Variants in MACROD2 observed in about 807,000 individuals in gnomAD.
The protein encoded by MACROD2 is mono-ADP ribosylhydrolase 2, also known as ADP-ribose glycohydrolase MACROD2.
In MACROD2, 36 loss-of-function variants were observed where a neutral mutation model predicts 70.4. The observed-to-expected ratio is 0.51, with a 90% CI of 0.39 to 0.68. The LOEUF is 0.68. Ranked by LOEUF, MACROD2 falls within the 30% of genes least tolerant of loss-of-function variation. The pLI is 0.00. For synonymous variants in MACROD2, 172 were observed against 178.8 expected (o/e 0.96, Z 0.30); for missense variants, 496 against 538.4 (o/e 0.92, Z 0.78).
intron 8 of MACROD2, among the ~76,000 whole-genome samples, chr20:15,799,526 G>T (rs1214037384): frequency 6.6e-6 from 1 of 152,040 alleles, no homozygotes; most frequent in Non-Finnish European, 1.5e-5. Flanking sequence ...TTCCACATAT[G>T]AGTGAAAACA....
intron 6 of MACROD2, among the ~76,000 whole-genome samples, chr20:15,262,372 C>T (rs1171645866): frequency 6.6e-6 from 1 of 151,990 alleles, no homozygotes; most frequent in Non-Finnish European, 1.5e-5. Flanking sequence ...TTGTAAATGA[C>T]AGGATCTCAT....
intron 8 of MACROD2, among the ~76,000 whole-genome samples, chr20:15,638,903 A>T (rs887517860): frequency 5.3e-5 from 8 of 152,288 alleles, no homozygotes; most frequent in African/African-American, 1.7e-4. Flanking sequence ...CAGAGTTGAA[A>T]TATTCAGGTC....
At chr20:15,939,006 C>G (rs548239945) in intron 12 of MACROD2, among the ~76,000 whole-genome samples, 1 of 152,304 alleles carries the variant, frequency 6.6e-6, no homozygotes, top group Admixed American at 6.5e-5. Context: ...TTCAATTCTA[C>G]TAATGCTGAG....
intron 6 of MACROD2, among the ~76,000 whole-genome samples, chr20:15,330,797 G>A (rs1018307291): frequency 1.3e-5 from 2 of 151,544 alleles, no homozygotes; most frequent in South Asian, 2.1e-4. Flanking sequence ...TTGTGGAATC[G>A]CTAGGTTTTA....
At chr20:15,402,556 A>T (rs2045945236) in intron 6 of MACROD2, among the ~76,000 whole-genome samples, 2 of 152,202 alleles carry the variant, frequency 1.3e-5, no homozygotes, top group South Asian at 4.1e-4. Context: ...AATATTTTTC[A>T]TGATTATTTC....
At chr20:15,230,405 G>T (rs1448070353) in intron 6 of MACROD2, among the ~76,000 whole-genome samples, 1 of 152,154 alleles carries the variant, frequency 6.6e-6, no homozygotes, top group Admixed American at 6.5e-5. Flanking sequence ...TGCTGAGTTT[G>T]TTATGATAGC....
intron 3 of MACROD2, among the ~76,000 whole-genome samples, chr20:14,276,244 T>A (rs1196403109): frequency 6.6e-6 from 1 of 151,212 alleles, no homozygotes; most frequent in Non-Finnish European, 1.5e-5. Context: ...CCAACAATGA[T>A]AGACTGGATT....
At chr20:14,913,081 G>T (rs1237569206) in intron 5 of MACROD2, among the ~76,000 whole-genome samples, 1 of 152,180 alleles carries the variant, frequency 6.6e-6, no homozygotes, top group African/African-American at 2.4e-5. Context: ...GCACATGCGT[G>T]TATGTGTGTA....
chr20:15,332,273 T>C (rs1170752362), intron 6 of MACROD2, among the ~76,000 whole-genome samples: 1 of 151,678 alleles, frequency 6.6e-6, no homozygotes, highest in East Asian at 1.9e-4. Flanking sequence ...TCCAGTTCAA[T>C]CATTTGAGAA....
intron 5 of MACROD2, among the ~76,000 whole-genome samples, chr20:15,141,383 T>C (rs2145847428): frequency 6.6e-6 from 1 of 151,268 alleles, no homozygotes; most frequent in Non-Finnish European, 1.5e-5. Flanking sequence ...CATACATACA[T>C]ATAGATATAC....
chr20:15,485,922 G>A (rs984273721), intron 7 of MACROD2, among the ~76,000 whole-genome samples: 5 of 152,076 alleles, frequency 3.3e-5, no homozygotes, highest in Admixed American at 1.3e-4. Flanking sequence ...TGCATGAATC[G>A]CAGTCGATTA....
intron 3 of MACROD2, among the ~76,000 whole-genome samples, chr20:14,235,133 G>C (rs2081857038): frequency 6.6e-6 from 1 of 152,158 alleles, no homozygotes; most frequent in East Asian, 1.9e-4. Context: ...AAGGTATCTA[G>C]TTATATAAGC....
chr20:14,887,739 T>C (rs1600770564), intron 5 of MACROD2, among the ~76,000 whole-genome samples: 3 of 152,096 alleles, frequency 2.0e-5, no homozygotes, highest in African/African-American at 7.2e-5. Context: ...CTTACCAAAA[T>C]GGTATTTTTC....
chr20:14,485,517 C>T (rs111901059), intron 3 of MACROD2, among the ~76,000 whole-genome samples: 1,959 of 151,916 alleles, frequency 0.013, 15 homozygotes, highest in Non-Finnish European at 0.019. Context: ...CTGGCTAACA[C>T]GGTGAAACCC....
At chr20:15,391,099 T>C (rs947813671) in intron 6 of MACROD2, among the ~76,000 whole-genome samples, 5 of 152,126 alleles carry the variant, frequency 3.3e-5, no homozygotes, top group African/African-American at 1.2e-4. Flanking sequence ...GATGAGTTGA[T>C]GGCAGGTAAA....
At chr20:14,549,402 A>G (rs1171559521) in intron 4 of MACROD2, among the ~76,000 whole-genome samples, 1 of 152,228 alleles carries the variant, frequency 6.6e-6, no homozygotes, top group Non-Finnish European at 1.5e-5. Flanking sequence ...AATTAAAATT[A>G]TTAATGTGTT....
At position 15,020,944 on chromosome 20, in the gene MACROD2, T is replaced by C. The variant is rs148121235; in HGVS notation, c.419-208996T>C. Among the ~76,000 whole-genome samples, 481 of 150,392 alleles carry C rather than the reference T, an allele frequency of 3.2e-3. 3 individuals are homozygous for C. Among genetic ancestry groups the C allele is most frequent in the African/African-American group, 0.011 (453 of 41,090 alleles). On this transcript the variant is annotated intron_variant, in intron 5 of 17. Transcript: ENST00000684519. The stretch of plus-strand genomic sequence containing the variant: ...ATATACACATATATATGTATACATA[T>C]GTATACATATATATGTAATGTGTGT...
chr20:14,655,585 A>AT (rs536079079), intron 4 of MACROD2, among the ~76,000 whole-genome samples: 9 of 152,076 alleles, frequency 5.9e-5, no homozygotes, highest in Non-Finnish European at 1.3e-4. Flanking sequence ...TATAAGAGGA[A>AT]TTTTTTAGCT....
intron 7 of MACROD2, among the ~76,000 whole-genome samples, chr20:15,478,576 TC>T: frequency 6.6e-6 from 1 of 151,410 alleles, no homozygotes; most frequent in Non-Finnish European, 1.5e-5. Context: ...TGTGTGTGTT[TC>T]TTCCTCCCCC....
Sources: gnomAD v4.1 joint callset for allele counts (sites outside exome capture counted in the v4.1 genomes callset) on GRCh38, gnomAD v4.1.1 for gene constraint, MANE v1.5 for transcripts, NCBI Gene and HGNC (gene_info 2026-07-23, HGNC 2026-07-21) for gene names.